CADPS: variants seen among roughly 807,000 people sequenced by gnomAD.
CADPS encodes calcium dependent secretion activator.
CADPS carries 57 observed loss-of-function variants against 167.3 expected under a neutral mutation model. The observed-to-expected ratio is 0.34, with a 90% CI of 0.28 to 0.42. The LOEUF is 0.42. CADPS is among the 20% of genes least tolerant of loss of function. CADPS has a pLI of 1.00. For synonymous variants in CADPS, 676 were observed against 635.3 expected, an observed-to-expected ratio of 1.06 and a Z score of -0.96; for missense variants, 1,414 against 1,738.1, an observed-to-expected ratio of 0.81 and a Z score of 3.32.
intron 1 of CADPS, among the ~76,000 whole-genome samples, chr3:62,800,271 T>C (rs2093682384): frequency 6.6e-6 from 1 of 152,112 alleles, no homozygotes. Flanking sequence ...CTCAGTTCTT[T>C]AAAATGATAG....
intron 1 of CADPS, among the ~76,000 whole-genome samples, chr3:62,802,996 T>C (rs1659728013): frequency 6.6e-6 from 1 of 152,168 alleles, no homozygotes; most frequent in Admixed American, 6.5e-5. Flanking sequence ...AGTAGGCTTC[T>C]GAGATGAGCA....
Position 62,478,791 on chromosome 3 carries a change from G to A in CADPS, c.3174-375C>T, listed in dbSNP as rs1457851341. ...AGTCTCAACAGATAATAACTACATG[G>A]CAACATGCAGTTATTAAACTTCAGG... On this transcript the variant is annotated intron_variant, in intron 22 of 29. Coordinates refer to ENST00000383710, the MANE Select transcript of CADPS (RefSeq NM_003716.4). The surrounding 1 kb of genome is among the most constrained non-coding windows in gnomAD (Gnocchi z 5.7). 6.6e-6 allele frequency among the ~76,000 whole-genome samples: 1 copy of A among 152,140 alleles called. No individual in the cohort carries two copies. The highest frequency in any genetic ancestry group is 2.4e-5 in the African/African-American group (1 of 41,414).
In CADPS at chr3:62,550,225, G is replaced by T. The variant is rs797016003; in HGVS notation, c.1754-110C>A. ...CTGCTTTTCCTTGGGACAGAAGAGG[G>T]GGGTAGTGATTAACTTAGGATGGGA... On this transcript the variant is annotated intron_variant, in intron 10 of 29. Coordinates refer to ENST00000383710, the MANE Select transcript of CADPS (RefSeq NM_003716.4). 47 of 770,240 alleles carry T rather than the reference G, an allele frequency of 6.1e-5. 1 individual carries two copies. Among genetic ancestry groups the T allele is most frequent in the African/African-American group, 5.0e-4 (29 of 58,264 alleles). The allele number at this position is 770,240 out of a possible 1,614,324, so 47.7% of individuals were successfully genotyped here.
In CADPS at chr3:62,577,191, T is replaced by C. The variant is rs115701055; in HGVS notation, c.1578-6253A>G. The stretch of plus-strand genomic sequence containing the variant: ...GTAGGGTAGCACCCATGGCAATGCT[T>C]GTAACTTTTCATTTGAATAAAAAAA... On this transcript the variant is annotated intron_variant, in intron 8 of 29. Transcript: ENST00000383710. Among the ~76,000 whole-genome samples the C allele has an allele frequency of 5.6e-3, 860 of 152,268 alleles. 9 individuals carry two copies. The highest frequency in any genetic ancestry group is 0.02 in the African/African-American group (821 of 41,570).
chr3:62,850,826 C>T (rs955335527), intron 1 of CADPS, among the ~76,000 whole-genome samples: 86 of 151,042 alleles, frequency 5.7e-4, no homozygotes, highest in African/African-American at 1.9e-3. Context: ...TCCTGGGTAT[C>T]CTTGTTGACT....
chr3:62,671,920 G>A (rs1376703568), intron 3 of CADPS, among the ~76,000 whole-genome samples: 2 of 151,926 alleles, frequency 1.3e-5, no homozygotes, highest in Admixed American at 6.6e-5. Flanking sequence ...ATGCCACCAC[G>A]CCTGACTAAT....
chr3:62,777,691 T>A (rs191315809), intron 1 of CADPS, among the ~76,000 whole-genome samples: 25 of 152,260 alleles, frequency 1.6e-4, no homozygotes, highest in Admixed American at 4.6e-4. Context: ...TCAATTTTTT[T>A]ATAAACCTAA....
At chr3:62,776,939 G>A (rs1193922976) in intron 1 of CADPS, among the ~76,000 whole-genome samples, 1 of 152,128 alleles carries the variant, frequency 6.6e-6, no homozygotes, top group Non-Finnish European at 1.5e-5. Context: ...CCTTCTTGGA[G>A]GACACAGCAA....
At chr3:62,449,077 G>A (rs922323029) in intron 26 of CADPS, among the ~76,000 whole-genome samples, 1 of 152,214 alleles carries the variant, frequency 6.6e-6, no homozygotes, top group African/African-American at 2.4e-5. Flanking sequence ...GAGCTTCAGT[G>A]CAGGTTTGAA....
chr3:62,706,268 A>G (rs888813065), intron 3 of CADPS, among the ~76,000 whole-genome samples: 10 of 152,092 alleles, frequency 6.6e-5, no homozygotes, highest in Admixed American at 3.3e-4. Flanking sequence ...TATTATTCTC[A>G]GTCACTACAC....
rs534998272 is a variant in CADPS at position 62,739,342 on chromosome 3, A to G, written c.888+14099T>C. ...GCTGACAACAAACACAACAAACTCA[A>G]TAAGTGAGCCCAGCCAAGACCATAA... is the stretch of plus-strand genomic sequence containing the variant. On this transcript the variant is annotated intron_variant, in intron 3 of 29. Transcript: ENST00000383710. 3.2e-4 allele frequency among the ~76,000 whole-genome samples: 48 copies of G among 152,312 alleles called. No individual in the cohort carries two copies. The South Asian group carries it at 6.0e-3, about 19-fold the overall frequency.
chr3:62,702,695 C>A (rs931379764), intron 3 of CADPS, among the ~76,000 whole-genome samples: 1 of 152,074 alleles, frequency 6.6e-6, no homozygotes, highest in Non-Finnish European at 1.5e-5. Context: ...TATCTGCCTT[C>A]TTCATTATGA....
At chr3:62,793,593 C>T (rs2093137253) in intron 1 of CADPS, among the ~76,000 whole-genome samples, 1 of 152,186 alleles carries the variant, frequency 6.6e-6, no homozygotes, top group Admixed American at 6.5e-5. Flanking sequence ...ATCCTGACCC[C>T]AGCTACAGAA....
In CADPS at chr3:62,399,109, T is replaced by G; in HGVS notation, c.*297A>C. On this transcript the variant is annotated 3_prime_UTR_variant, in exon 30 of 30. Transcript: ENST00000383710. This position sits in a 1 kb window ranked among gnomAD's most constrained non-coding sequence, Gnocchi z 5.6. ...ACATAGTACATGAATGAAGCATCATTGATCTTTGCTGATAACAGGGACACG... is the reference window on the plus strand; with the variant it reads ...ACATAGTACATGAATGAAGCATCATGGATCTTTGCTGATAACAGGGACACG... 3.5e-6 allele frequency: 1 copy of G among 287,774 alleles called. No homozygotes were observed. Among genetic ancestry groups the G allele is most frequent in the Non-Finnish European group, 6.6e-6 (1 of 150,898 alleles). The allele number at this position is 287,774 out of a possible 1,614,324, so 17.8% of individuals were successfully genotyped here. A position where few individuals can be genotyped will look rare whatever the true frequency, so the allele number is the denominator to read the frequency against.
chr3:62,470,383 C>CT (rs965847387), intron 24 of CADPS, among the ~76,000 whole-genome samples: 4 of 152,194 alleles, frequency 2.6e-5, no homozygotes, highest in Non-Finnish European at 4.4e-5. Flanking sequence ...AAACATTGGA[C>CT]TTTCATCTAT....
intron 17 of CADPS, among the ~76,000 whole-genome samples, chr3:62,507,098 G>A (rs1176302790): frequency 2.0e-5 from 3 of 151,762 alleles, no homozygotes; most frequent in South Asian, 2.1e-4. Flanking sequence ...GTACTACTAA[G>A]TACCCACTTA....
chr3:62,749,079 C>T (rs1031641929), intron 3 of CADPS, among the ~76,000 whole-genome samples: 21 of 152,186 alleles, frequency 1.4e-4, no homozygotes, highest in African/African-American at 4.8e-4. Context: ...ATAAAACCAA[C>T]ACTGATTCAT....
chr3:62,754,468 A>T (rs1331766428), intron 2 of CADPS, among the ~76,000 whole-genome samples: 1 of 152,130 alleles, frequency 6.6e-6, no homozygotes, highest in South Asian at 2.1e-4. Context: ...GATTACAGGC[A>T]TGAGTCAATG....
intron 28 of CADPS, among the ~76,000 whole-genome samples, chr3:62,409,893 A>G (rs373548146): frequency 6.6e-6 from 1 of 152,354 alleles, no homozygotes. Context: ...AGGAAGCACT[A>G]GAAGAGAAGA....
Sources: allele counts gnomAD v4.1 joint callset (sites outside exome capture counted in the v4.1 genomes callset), GRCh38; gene constraint gnomAD v4.1.1; non-coding constraint Gnocchi (gnomAD v3.1); transcripts MANE v1.5; gene names NCBI Gene and HGNC (gene_info 2026-07-23, HGNC 2026-07-21).